APP: variants seen among roughly 807,000 people sequenced by gnomAD.
APP encodes the protein amyloid-beta precursor protein.
Under a neutral mutation model 101.4 loss-of-function variants are expected in APP, and 31 were observed. The ratio of observed to expected loss-of-function variants is 0.31; its 90% CI spans 0.23 to 0.41. The LOEUF (loss-of-function observed/expected upper bound fraction) is 0.41. Among genes scored for constraint, APP ranks in the 10% least tolerant of loss-of-function variants. APP has a pLI of 1.00. For missense variants in APP, 839 were observed against 1,003.7 expected (o/e 0.84, Z 2.22); for synonymous variants, 366 against 364.4 (o/e 1.00, Z -0.05).
intron 1 of APP, among the ~76,000 whole-genome samples, chr21:26,155,095 A>T (rs564756873): frequency 3.3e-5 from 5 of 152,268 alleles, no homozygotes; most frequent in Admixed American, 1.3e-4. Flanking sequence ...TACCAAAAAT[A>T]AAAAAATTAG....
chr21:26,124,246 G>T (rs2062636364), intron 1 of APP, among the ~76,000 whole-genome samples: 1 of 151,948 alleles, frequency 6.6e-6, no homozygotes, highest in African/African-American at 2.4e-5. Flanking sequence ...TTTTATTGTG[G>T]CACCAGGAGA....
chr21:25,927,002 CAAAAAAAAAAAAAA>C (rs36048306), intron 13 of APP, among the ~76,000 whole-genome samples: 4 of 67,270 alleles, frequency 5.9e-5, no homozygotes, highest in Non-Finnish European at 1.0e-4. Context: ...GACTCCGTCT[CAAAAAAAAAAAAAA>C]AAAAAAAAAA....
intron 9 of APP, among the ~76,000 whole-genome samples, chr21:25,979,354 A>T (rs1045288918): frequency 2.6e-5 from 4 of 152,242 alleles, no homozygotes; most frequent in African/African-American, 9.6e-5. Context: ...TTTCCACTGC[A>T]GGCACAAAGG....
chr21:25,893,635 A>G (rs535283927), intron 16 of APP, among the ~76,000 whole-genome samples: 4 of 152,232 alleles, frequency 2.6e-5, no homozygotes, highest in Admixed American at 1.3e-4. Flanking sequence ...CTTCAATTCT[A>G]TGAAGGATGA....
chr21:25,988,827 C>G (rs921628725), intron 8 of APP, among the ~76,000 whole-genome samples: 4 of 134,792 alleles, frequency 3.0e-5, no homozygotes, highest in African/African-American at 1.3e-4. Context: ...TTCTTTCTCT[C>G]ACACCAAAAT....
chr21:26,112,256 T>C, intron 1 of APP, 110 bp from the exon 2 acceptor site: 2 of 1,192,128 alleles, frequency 1.7e-6, no homozygotes, highest in Non-Finnish European at 2.5e-6. Context: ...TCATTCTCAA[T>C]TAGGAATCAG....
chr21:26,100,538 T>G (rs1258065499), intron 2 of APP, among the ~76,000 whole-genome samples: 1 of 152,256 alleles, frequency 6.6e-6, no homozygotes, highest in Admixed American at 6.5e-5. Context: ...CTCTGTTGTT[T>G]GCTTTTTATT....
chr21:26,100,067 G>C (rs1488430917), intron 2 of APP, among the ~76,000 whole-genome samples: 1 of 152,166 alleles, frequency 6.6e-6, no homozygotes, highest in Non-Finnish European at 1.5e-5. Flanking sequence ...GTGGGTGGGA[G>C]GGAAGAGATG....
At chr21:26,150,319 G>A (rs2063238309) in intron 1 of APP, among the ~76,000 whole-genome samples, 1 of 152,144 alleles carries the variant, frequency 6.6e-6, no homozygotes, top group Non-Finnish European at 1.5e-5. Flanking sequence ...GCAGGCGATG[G>A]TGCCACCTCT....
At chr21:26,082,317 C>T (rs1022113263) in intron 3 of APP, among the ~76,000 whole-genome samples, 2 of 152,124 alleles carry the variant, frequency 1.3e-5, no homozygotes, top group Non-Finnish European at 2.9e-5. Flanking sequence ...TGGCATAAAG[C>T]ACTGCTGTCA....
At chr21:26,026,359 A>G (rs115108905) in intron 5 of APP, among the ~76,000 whole-genome samples, 1,860 of 152,336 alleles carry the variant, frequency 0.012, 44 homozygotes, top group African/African-American at 0.041. Context: ...TAATAAGGTC[A>G]AAGGGACATT....
At chr21:26,062,326 T>G (rs2046302713) in intron 3 of APP, among the ~76,000 whole-genome samples, 1 of 151,030 alleles carries the variant, frequency 6.6e-6, no homozygotes, top group Non-Finnish European at 1.5e-5. Flanking sequence ...GCAAAGGATT[T>G]ACTTTAAAAA....
rs559390006 is a variant in APP at position 26,067,962 on chromosome 21, C to T, written c.356-14614G>A. ...CTCAAAGCCTGATAGATTTTAGAGA[C>T]GCAATTAATTAAGGTTATATACGGG... On this transcript the variant is annotated intron_variant, in intron 3 of 17. Transcript: ENST00000346798. 1.1e-4 allele frequency among the ~76,000 whole-genome samples: 17 copies of T among 151,520 alleles called. No individual in the cohort carries two copies. The South Asian group carries it at 1.9e-3, about 17-fold the overall frequency.
At chr21:25,887,043 G>C (rs972155687) in intron 17 of APP, among the ~76,000 whole-genome samples, 1 of 151,996 alleles carries the variant, frequency 6.6e-6, no homozygotes, top group African/African-American at 2.4e-5. Flanking sequence ...GGTGGGGGCG[G>C]GGAGACTTCT....
intron 1 of APP, among the ~76,000 whole-genome samples, chr21:26,118,869 T>C (rs2062496709): frequency 6.8e-6 from 1 of 147,198 alleles, no homozygotes; most frequent in Non-Finnish European, 1.5e-5. Flanking sequence ...ACATGTCTCA[T>C]ACAGTCACCA....
At chr21:26,051,294 G>A in intron 4 of APP, 101 bp from the exon 5 acceptor site, 1 of 1,212,302 alleles carries the variant, frequency 8.2e-7, no homozygotes, top group Non-Finnish European at 1.2e-6. Flanking sequence ...AATATATTAG[G>A]AACCAATTTC....
At chr21:26,129,548 A>G (rs1371056324) in intron 1 of APP, among the ~76,000 whole-genome samples, 1 of 152,210 alleles carries the variant, frequency 6.6e-6, no homozygotes, top group Non-Finnish European at 1.5e-5. Flanking sequence ...TTCCAAACTA[A>G]GTTAAATTTT....
chr21:26,032,778 G>C (rs1182058035), intron 5 of APP, among the ~76,000 whole-genome samples: 1 of 131,786 alleles, frequency 7.6e-6, no homozygotes, highest in Admixed American at 8.8e-5. Flanking sequence ...TGTTTTTCTT[G>C]GGGCTTATTA....
At chr21:25,958,107 T>C (rs2041404712) in intron 11 of APP, among the ~76,000 whole-genome samples, 1 of 152,192 alleles carries the variant, frequency 6.6e-6, no homozygotes, top group Non-Finnish European at 1.5e-5. Flanking sequence ...AAAAGGACTG[T>C]CACCAACAAG....
Sources: gnomAD v4.1 joint callset for allele counts (sites outside exome capture counted in the v4.1 genomes callset) on GRCh38, gnomAD v4.1.1 for gene constraint, MANE v1.5 for transcripts, NCBI Gene and HGNC (gene_info 2026-07-23, HGNC 2026-07-21) for gene names.